ALDH1A1: variants seen among roughly 807,000 people sequenced by gnomAD.
ALDH1A1 encodes the protein aldehyde dehydrogenase 1A1.
ALDH1A1 carries 19 observed loss-of-function variants against 62.1 expected under a neutral mutation model. The observed-to-expected ratio is 0.31, with a 90% CI of 0.21 to 0.45. The LOEUF is 0.45. ALDH1A1 is among the 20% of genes least tolerant of loss of function. The pLI is 1.00. For missense variants in ALDH1A1, 521 were observed against 607.1 expected, an observed-to-expected ratio of 0.86 and a Z score of 1.49; for synonymous variants, 231 against 215.9, an observed-to-expected ratio of 1.07 and a Z score of -0.61.
At chr9:72,909,155 C>CTTTTTTT (rs5898281) in intron 11 of ALDH1A1, among the ~76,000 whole-genome samples, 52 of 75,554 alleles carry the variant, frequency 6.9e-4, no homozygotes, top group Non-Finnish European at 8.5e-4. Context: ...TCCAATACAG[C>CTTTTTTT]TTTTTTTTTT....
Position 72,928,931 on chromosome 9 carries a change from C to T in ALDH1A1, c.403G>A (p.Gly135Ser). 6.2e-7 allele frequency: 1 copy of T among 1,613,978 alleles called. No individual in the cohort carries two copies. ...GCIKTLRYCA[G>S]WADKIQGRTI... Reference sequence around the variant, plus strand: ...CGGCCCTGGATCTTGTCAGCCCAACCTGCACAGTAGCGCAATGTTTTGATG... The same window carrying T: ...CGGCCCTGGATCTTGTCAGCCCAACTTGCACAGTAGCGCAATGTTTTGATG... Residue 135 changes from glycine (G) to serine (S), a missense_variant, in exon 4 of 13, where the codon GGT becomes AGT. Transcript: ENST00000297785.
intron 8 of ALDH1A1, among the ~76,000 whole-genome samples, chr9:72,917,687 C>T (rs960721761): frequency 4.6e-5 from 7 of 151,608 alleles, no homozygotes; most frequent in African/African-American, 1.2e-4. Context: ...TAAAGTATAC[C>T]GTATTATTTC....
intron 2 of ALDH1A1, among the ~76,000 whole-genome samples, chr9:72,937,653 G>A (rs1318865342): frequency 2.0e-5 from 3 of 152,234 alleles, no homozygotes; most frequent in African/African-American, 7.2e-5. Context: ...TACAGAGGCA[G>A]TGACTAGCAA....
intron 7 of ALDH1A1, among the ~76,000 whole-genome samples, chr9:72,919,922 T>C (rs1830117324): frequency 1.3e-5 from 2 of 152,228 alleles, no homozygotes; most frequent in African/African-American, 4.8e-5. Context: ...TTTACTATAG[T>C]TGTTTCTGGT....
chr9:72,917,141 T>C, intron 8 of ALDH1A1, 37 bp from the exon 9 acceptor site: 1 of 1,338,212 alleles, frequency 7.5e-7, no homozygotes, highest in East Asian at 2.9e-5. Context: ...ATATATTTTA[T>C]AAAAATTATA....
intron 1 of ALDH1A1, among the ~76,000 whole-genome samples, chr9:72,943,573 C>G (rs1588145076): frequency 6.6e-6 from 1 of 152,272 alleles, no homozygotes; most frequent in East Asian, 1.9e-4. Flanking sequence ...CAGCACTGTT[C>G]TGCATTATTC....
At chr9:72,923,335 T>C (rs1177861520) in intron 7 of ALDH1A1, among the ~76,000 whole-genome samples, 1 of 152,230 alleles carries the variant, frequency 6.6e-6, no homozygotes, top group African/African-American at 2.4e-5. Flanking sequence ...CAAAGTCACG[T>C]AATTTAATAG....
At chr9:72,921,597 A>G (rs1272361139) in intron 7 of ALDH1A1, among the ~76,000 whole-genome samples, 1 of 146,452 alleles carries the variant, frequency 6.8e-6, no homozygotes, top group Admixed American at 7.0e-5. Context: ...ATATGTATAC[A>G]TGTGCCATGC....
intron 11 of ALDH1A1, among the ~76,000 whole-genome samples, chr9:72,907,232 C>G (rs1449118813): frequency 6.6e-6 from 1 of 152,158 alleles, no homozygotes; most frequent in Non-Finnish European, 1.5e-5. Flanking sequence ...ATTGTCTCAG[C>G]TTTGTTTAAT....
chr9:72,942,521 T>G (rs1483165976), intron 1 of ALDH1A1, among the ~76,000 whole-genome samples: 2 of 152,168 alleles, frequency 1.3e-5, no homozygotes, highest in African/African-American at 4.8e-5. Context: ...TAATTAAAAT[T>G]TAATTTTCAC....
At chr9:72,905,674 T>C (rs1289840491) in intron 12 of ALDH1A1, among the ~76,000 whole-genome samples, 1 of 152,166 alleles carries the variant, frequency 6.6e-6, no homozygotes, top group Non-Finnish European at 1.5e-5. Flanking sequence ...TTCATATATA[T>C]AGCAAGCAAT....
intron 6 of ALDH1A1, among the ~76,000 whole-genome samples, chr9:72,925,277 G>T (rs529484634): frequency 3.6e-4 from 55 of 152,308 alleles, no homozygotes; most frequent in South Asian, 1.7e-3. Flanking sequence ...CCAAACCTTT[G>T]TGTTTGGCTT....
At chr9:72,918,904 G>T in intron 7 of ALDH1A1, 82 bp from the exon 8 acceptor site, 1 of 952,182 alleles carries the variant, frequency 1.1e-6, no homozygotes, top group Non-Finnish European at 1.6e-6. Context: ...TTTATGTGAT[G>T]TTTGTGCCAC....
chr9:72,926,717 G>A (rs1487780886), intron 5 of ALDH1A1, among the ~76,000 whole-genome samples: 1 of 152,240 alleles, frequency 6.6e-6, no homozygotes. Context: ...ATGAGAAAGT[G>A]CGTTGGAGAA....
chr9:72,916,213 A>C (rs1830061621), intron 9 of ALDH1A1, among the ~76,000 whole-genome samples: 1 of 152,168 alleles, frequency 6.6e-6, no homozygotes, highest in Admixed American at 6.5e-5. Context: ...CCCAGTTTAG[A>C]ATCACTGCTC....
chr9:72,901,606 T>C (rs1173835320), intron 12 of ALDH1A1, among the ~76,000 whole-genome samples: 1 of 152,060 alleles, frequency 6.6e-6, no homozygotes, highest in East Asian at 1.9e-4. Flanking sequence ...AAGATCATCT[T>C]GGAGAAATGA....
At chr9:72,905,904 T>G (rs1829872200) in intron 12 of ALDH1A1, 54 bp downstream of exon 12, 1 of 1,423,558 alleles carries the variant, frequency 7.0e-7, no homozygotes, top group South Asian at 1.3e-5. Context: ...TCCCTGGGAA[T>G]GAAAATCATT....
chr9:72,905,478 A>T (rs1297798958), intron 12 of ALDH1A1, among the ~76,000 whole-genome samples: 1 of 152,118 alleles, frequency 6.6e-6, no homozygotes, highest in East Asian at 1.9e-4. Flanking sequence ...TAAAGTCTAC[A>T]TCAATAATAT....
intron 9 of ALDH1A1, among the ~76,000 whole-genome samples, chr9:72,916,133 C>T (rs1433818929): frequency 6.6e-6 from 1 of 152,094 alleles, no homozygotes; most frequent in East Asian, 1.9e-4. Context: ...CGCTTCTCAC[C>T]AAGGTAGTGA....
Sources: gnomAD v4.1 joint callset for allele counts (sites outside exome capture counted in the v4.1 genomes callset) on GRCh38, gnomAD v4.1.1 for gene constraint, MANE v1.5 for transcripts, NCBI Gene and HGNC (gene_info 2026-07-23, HGNC 2026-07-21) for gene names.